The following PPM1E variants were observed in gnomAD, a reference collection of about 807,000 sequenced individuals.
PPM1E encodes protein phosphatase 1E.
In PPM1E, 20 loss-of-function variants were observed where a neutral mutation model predicts 65.9. The observed-to-expected ratio is 0.30, with a 90% confidence interval of 0.21 to 0.44. The LOEUF is 0.44. Among genes scored for constraint, PPM1E ranks in the 20% least tolerant of loss-of-function variants. The pLI is 1.00. For synonymous variants in PPM1E, 352 were observed against 374.9 expected, an observed-to-expected ratio of 0.94 and a Z score of 0.70; for missense variants, 713 against 953.1, an observed-to-expected ratio of 0.75 and a Z score of 3.32.
In PPM1E at chr17:58,980,336, T is replaced by C; in HGVS notation, c.1573T>C (p.Cys525Arg). ...GGDDKENHGE[C>R]KRPWPQHQCS... The stretch of plus-strand genomic sequence containing the variant: ...GGATGATAAGGAGAATCATGGAGAG[T>C]GCAAACGCCCTTGGCCTCAGCACCA... Residue 525 changes from cysteine to arginine, a missense_variant, in exon 7 of 7, where the codon TGC becomes CGC. This residue lies in a region of PPM1E where 286 missense variants were observed against 313.8 expected (regional missense o/e 0.91). Transcript: ENST00000308249. This position sits in a 1 kb window ranked among gnomAD's most constrained non-coding sequence, Gnocchi z 4.7. 1 of 1,613,714 alleles carries C rather than the reference T, an allele frequency of 6.2e-7. No individual in the cohort carries two copies. Among genetic ancestry groups the C allele is most frequent in the Non-Finnish European group, 8.5e-7 (1 of 1,179,944 alleles).
intron 6 of PPM1E, among the ~76,000 whole-genome samples, chr17:58,976,504 C>T (rs1474987486): frequency 6.6e-6 from 1 of 152,146 alleles, no homozygotes; most frequent in African/African-American, 2.4e-5. Flanking sequence ...CAGCTCTACT[C>T]AGGAAAGAAA....
At chr17:58,979,373 G>A (rs946623288) in intron 6 of PPM1E, among the ~76,000 whole-genome samples, 2 of 152,164 alleles carry the variant, frequency 1.3e-5, no homozygotes, top group African/African-American at 4.8e-5. Context: ...GAGGCCTTGG[G>A]TCAGCCACAT....
intron 1 of PPM1E, among the ~76,000 whole-genome samples, chr17:58,859,772 C>G (rs1444441290): frequency 2.0e-5 from 3 of 152,178 alleles, no homozygotes; most frequent in African/African-American, 7.2e-5. Context: ...GAATAAGTAA[C>G]AGCTTCCACC....
intron 1 of PPM1E, among the ~76,000 whole-genome samples, chr17:58,762,620 G>A (rs548354324): frequency 3.9e-5 from 6 of 152,070 alleles, no homozygotes; most frequent in African/African-American, 9.7e-5. Flanking sequence ...GTTTTGGGCC[G>A]GGCGCGGTGG....
chr17:58,908,016 T>C (rs868522495), intron 1 of PPM1E, among the ~76,000 whole-genome samples: 2 of 152,120 alleles, frequency 1.3e-5, no homozygotes, highest in African/African-American at 4.8e-5. Flanking sequence ...ACCATATTTG[T>C]TACTGTTTTC....
intron 1 of PPM1E, among the ~76,000 whole-genome samples, chr17:58,883,949 A>T (rs996927704): frequency 2.6e-5 from 4 of 152,200 alleles, no homozygotes; most frequent in African/African-American, 9.7e-5. Context: ...AAAAAAAATA[A>T]AAATAAAAAA....
chr17:58,791,561 A>T (rs992309026), intron 1 of PPM1E, among the ~76,000 whole-genome samples: 1 of 152,202 alleles, frequency 6.6e-6, no homozygotes, highest in Non-Finnish European at 1.5e-5. Context: ...TACTTTATTA[A>T]CAGCAAAACT....
chr17:58,953,155 C>T lies in PPM1E; in HGVS notation c.465-2494C>T, dbSNP rs548079157. On this transcript the variant is annotated intron_variant, in intron 1 of 6. Transcript: ENST00000308249. ...GAAACCAGGAGGCACATAGAGATCA[C>T]TGATCTAGAGCAATTCTCTTTTTAT... 1.6e-3 allele frequency among the ~76,000 whole-genome samples: 250 copies of T among 152,328 alleles called. 4 individuals are homozygous for T. In the South Asian group the frequency reaches 0.018, roughly 11 times the overall value.
At chr17:58,899,545 G>T in intron 1 of PPM1E, 2 of 224,256 alleles carry the variant, frequency 8.9e-6, no homozygotes, top group South Asian at 1.5e-4. Context: ...TGACCAGAAA[G>T]TAGGCGAATG....
At chr17:58,875,834 C>T (rs2051121445) in intron 1 of PPM1E, among the ~76,000 whole-genome samples, 1 of 151,978 alleles carries the variant, frequency 6.6e-6, no homozygotes, top group Non-Finnish European at 1.5e-5. Flanking sequence ...AAAGAAGAGA[C>T]CCATGAGATG....
chr17:58,938,153 C>G (rs1567881087), intron 1 of PPM1E, among the ~76,000 whole-genome samples: 1 of 152,102 alleles, frequency 6.6e-6, no homozygotes, highest in East Asian at 1.9e-4. Context: ...TGCCTTTGTC[C>G]CATCTTTGAA....
intron 1 of PPM1E, among the ~76,000 whole-genome samples, chr17:58,856,491 T>G (rs779669729): frequency 3.9e-5 from 6 of 152,136 alleles, no homozygotes; most frequent in Non-Finnish European, 8.8e-5. Flanking sequence ...CTTCCAACAA[T>G]TAAGAGAAAA....
chr17:58,980,161 C>A lies in PPM1E; in HGVS notation c.1398C>A (p.His466Gln), dbSNP rs762147749. The change falls in exon 7 of 7, where the codon CAC becomes CAA. Residue 466 changes from histidine (H) to glutamine (Q), a missense_variant. This residue lies in a region of PPM1E where 88 missense variants were observed against 231.1 expected (regional missense o/e 0.38). Transcript: ENST00000308249. The surrounding 1 kb of genome is among the most constrained non-coding windows in gnomAD (Gnocchi z 4.7). ...ATGGAGACAGCAGCATGGTTGCCCACAAATTAGTGGCATCAGCTCGTGATG... is the reference window on the plus strand; with the variant it reads ...ATGGAGACAGCAGCATGGTTGCCCAAAAATTAGTGGCATCAGCTCGTGATG... ...ENNGDSSMVA[H>Q]KLVASARDAG... 1 of 1,614,088 alleles carries A rather than the reference C, an allele frequency of 6.2e-7. No homozygotes were observed. The highest frequency in any genetic ancestry group is 8.5e-7 in the Non-Finnish European group (1 of 1,180,018).
rs7207227 is a variant in PPM1E, at chr17:58,938,945, C to T, written c.465-16704C>T. ...CTGGGATTACAAGTGCCCACCACCA[C>T]GCCCAGCTAATTTTTTGTATTTAGT... On this transcript the variant is annotated intron_variant, in intron 1 of 6. Transcript: ENST00000308249. 5.3e-4 allele frequency among the ~76,000 whole-genome samples: 81 copies of T among 152,056 alleles called. 1 individual carries two copies. The South Asian group carries it at 9.5e-3, about 18-fold the overall frequency.
At chr17:58,836,164 C>T (rs1380142027) in intron 1 of PPM1E, among the ~76,000 whole-genome samples, 2 of 152,080 alleles carry the variant, frequency 1.3e-5, no homozygotes, top group African/African-American at 4.8e-5. Flanking sequence ...CTGATATACT[C>T]TAACAGCAAC....
intron 1 of PPM1E, among the ~76,000 whole-genome samples, chr17:58,954,861 C>T (rs531142260): frequency 1.6e-5 from 2 of 123,512 alleles, no homozygotes; most frequent in East Asian, 4.8e-4. Flanking sequence ...GTCTAGGCAA[C>T]AGAGCAAGAG....
At chr17:58,903,422 A>G (rs890132875) in intron 1 of PPM1E, among the ~76,000 whole-genome samples, 2 of 152,170 alleles carry the variant, frequency 1.3e-5, no homozygotes, top group Admixed American at 6.6e-5. Flanking sequence ...ACAGTTCTCA[A>G]AGCTTTTGCC....
At chr17:58,839,646 A>G (rs1306890509) in intron 1 of PPM1E, among the ~76,000 whole-genome samples, 1 of 152,242 alleles carries the variant, frequency 6.6e-6, no homozygotes, top group Non-Finnish European at 1.5e-5. Context: ...AGTGGGAGCC[A>G]GGTTTCTCAC....
intron 1 of PPM1E, among the ~76,000 whole-genome samples, chr17:58,876,414 C>T (rs2143367420): frequency 6.6e-6 from 1 of 152,116 alleles, no homozygotes; most frequent in Admixed American, 6.5e-5. Context: ...TTTTGGCTTT[C>T]TTGAGGATAA....
Sources: allele counts gnomAD v4.1 joint callset (sites outside exome capture counted in the v4.1 genomes callset), GRCh38; gene constraint gnomAD v4.1.1; regional missense constraint gnomAD v4.1.1; non-coding constraint Gnocchi (gnomAD v3.1); transcripts MANE v1.5; gene names NCBI Gene and HGNC (gene_info 2026-07-23, HGNC 2026-07-21).